Variants in S100A10 observed in about 807,000 individuals in gnomAD.
S100A10 encodes protein S100-A10.
In S100A10, 3 loss-of-function variants were observed where a neutral mutation model predicts 7.1. The observed-to-expected ratio is 0.42, with a 90% confidence interval of 0.19 to 1.10. S100A10 has a LOEUF of 1.10. Among genes scored for constraint, S100A10 ranks in the 50% least tolerant of loss-of-function variants. The probability of loss-of-function intolerance (pLI) is 0.29; values close to 1 mark genes in which losing one functional copy is unlikely to be tolerated. For synonymous variants in S100A10, 41 were observed against 39.3 expected (o/e 1.04, Z -0.16); for missense variants, 101 against 118.1 (o/e 0.86, Z 0.67).
chr1:151,983,223 G>A lies in S100A10; in HGVS notation c.234C>T (p.Gly78=). 6.2e-7 allele frequency: 1 copy of A among 1,605,890 alleles called. No homozygotes were observed. Among genetic ancestry groups the A allele is most frequent in the Non-Finnish European group, 8.5e-7 (1 of 1,176,842 alleles). Residue 78 remains glycine, a synonymous_variant, in exon 3 of 3, where the codon GGC becomes GGT. Transcript: ENST00000368811. ...GFQSFFSLIA[G]LTIACNDYFV... is the part of the protein sequence containing the mutation. Reference sequence around the variant, plus strand: ...AATAGTCATTGCATGCAATGGTGAGGCCCGCAATTAGGGAAAAGAAGCTCT... The same window carrying A: ...AATAGTCATTGCATGCAATGGTGAGACCCGCAATTAGGGAAAAGAAGCTCT...
At chr1:151,990,782 T>C (rs1655888845) in intron 1 of S100A10, among the ~76,000 whole-genome samples, 1 of 152,228 alleles carries the variant, frequency 6.6e-6, no homozygotes, top group Admixed American at 6.5e-5. Context: ...GCCTGAATTC[T>C]AGTTATTTGT....
chr1:151,989,670 T>G (rs1207953440), intron 1 of S100A10, among the ~76,000 whole-genome samples: 1 of 152,248 alleles, frequency 6.6e-6, no homozygotes, highest in African/African-American at 2.4e-5. Context: ...AGCCAATGGT[T>G]GCCCAACTGA....
Position 151,993,536 on chromosome 1 carries a change from G to A in S100A10, c.-22+216C>T, listed in dbSNP as rs529197992. Among the ~76,000 whole-genome samples the A allele has an allele frequency of 1.6e-4, 25 of 152,350 alleles. No homozygotes were observed. The East Asian group carries it at 3.7e-3, about 22-fold the overall frequency. Reference sequence around the variant, plus strand: ...GTGCCCCCTCCTCTGGTCCGCGTGGGTCTGGGGGCGGCCGCGCCCGGGCCG... The same window carrying A: ...GTGCCCCCTCCTCTGGTCCGCGTGGATCTGGGGGCGGCCGCGCCCGGGCCG... On this transcript the variant is annotated intron_variant, in intron 1 of 2. Coordinates refer to ENST00000368811, the MANE Select transcript of S100A10 (RefSeq NM_002966.3). The surrounding 1 kb of genome is among the most constrained non-coding windows in gnomAD (Gnocchi z 5.1).
At chr1:151,987,652 G>A (rs1222930382) in intron 1 of S100A10, among the ~76,000 whole-genome samples, 1 of 146,458 alleles carries the variant, frequency 6.8e-6, no homozygotes, top group African/African-American at 2.5e-5. Flanking sequence ...GCATTCTCCT[G>A]CCTCAGCCTC....
At position 151,986,270 on chromosome 1, in the gene S100A10, T is replaced by C; in HGVS notation, c.-21-19A>G. The C allele has an allele frequency of 6.5e-7, 1 of 1,546,334 alleles. No individual in the cohort carries two copies. The highest frequency in any genetic ancestry group is 1.4e-5 in the African/African-American group (1 of 71,404). On this transcript the variant is annotated intron_variant, in intron 1 of 2. Transcript: ENST00000368811. Reference sequence around the variant, plus strand: ...TTGAAGCCTATTAAAGGATGTAAAGTAACAGGGTCTACATTAACTTTTTTT... The same window carrying C: ...TTGAAGCCTATTAAAGGATGTAAAGCAACAGGGTCTACATTAACTTTTTTT...
At position 151,983,238 on chromosome 1, in the gene S100A10, A is replaced by T. The variant is rs750440968; in HGVS notation, c.219T>A (p.Phe73Leu). 6.2e-7 allele frequency: 1 copy of T among 1,607,780 alleles called. No individual in the cohort carries two copies. Among genetic ancestry groups the T allele is most frequent in the African/African-American group, 1.3e-5 (1 of 74,594 alleles). ...CAATGGTGAGGCCCGCAATTAGGGA[A>T]AAGAAGCTCTGGAAGCCCACTTTGC... ...RDGKVGFQSF[F>L]SLIAGLTIAC... The change falls in exon 3 of 3, where the codon TTT becomes TTA. Residue 73 changes from phenylalanine to leucine, a missense_variant. Phe to Leu is a conservative substitution (Grantham distance 22, BLOSUM62 0). Transcript: ENST00000368811.
At chr1:151,986,425 G>C (rs1300546685) in intron 1 of S100A10, among the ~76,000 whole-genome samples, 174 bp from the exon 2 acceptor site, 2 of 152,130 alleles carry the variant, frequency 1.3e-5, no homozygotes, top group African/African-American at 4.8e-5. Context: ...ATTAACATAT[G>C]CATTACCTCC....
At chr1:151,989,248 CCT>C (rs1443508641) in intron 1 of S100A10, among the ~76,000 whole-genome samples, 2 of 152,130 alleles carry the variant, frequency 1.3e-5, no homozygotes, top group Non-Finnish European at 2.9e-5. Context: ...CAGTCGCATG[CCT>C]CTCTTGCCCA....
chr1:151,986,620 A>G (rs1428253961), intron 1 of S100A10, among the ~76,000 whole-genome samples: 1 of 152,210 alleles, frequency 6.6e-6, no homozygotes. Context: ...CAATCACCCC[A>G]GCCCATTCTA....
intron 1 of S100A10, among the ~76,000 whole-genome samples, chr1:151,989,928 C>T (rs1021673147): frequency 1.3e-5 from 2 of 152,236 alleles, no homozygotes; most frequent in African/African-American, 4.8e-5. Context: ...TCCCCAATAA[C>T]GTACTCTTGC....
At chr1:151,986,668 CAT>C (rs1655797412) in intron 1 of S100A10, among the ~76,000 whole-genome samples, 2 of 152,214 alleles carry the variant, frequency 1.3e-5, no homozygotes, top group Admixed American at 6.5e-5. Flanking sequence ...TAAGATTCCA[CAT>C]GAGTGAGATC....
intron 2 of S100A10, among the ~76,000 whole-genome samples, chr1:151,985,777 G>A (rs1016428833): frequency 3.3e-5 from 5 of 152,138 alleles, no homozygotes; most frequent in African/African-American, 1.2e-4. Context: ...CAGATAACCC[G>A]ATGGAATTTT....
In S100A10 at chr1:151,984,468, G is replaced by A. The variant is rs189154031; in HGVS notation, c.133-1144C>T. On this transcript the variant is annotated intron_variant, in intron 2 of 2. Transcript: ENST00000368811. ...TGAGTGAAATCTGGATGACATAAGA[G>A]GTCTACTTTAGAAACAAAATGCTCT... Among the ~76,000 whole-genome samples, 199 of 152,166 alleles carry A rather than the reference G, an allele frequency of 1.3e-3. 4 individuals carry two copies. The East Asian group carries it at 0.027, about 20-fold the overall frequency.
intron 2 of S100A10, among the ~76,000 whole-genome samples, chr1:151,985,847 A>C (rs1557772604): frequency 6.6e-6 from 1 of 152,202 alleles, no homozygotes; most frequent in African/African-American, 2.4e-5. Flanking sequence ...TGCAGACTGT[A>C]AGCTCCTTGA....
At chr1:151,985,733 C>G (rs1234127201) in intron 2 of S100A10, among the ~76,000 whole-genome samples, 1 of 152,168 alleles carries the variant, frequency 6.6e-6, no homozygotes, top group African/African-American at 2.4e-5. Context: ...CTTTCTTTCT[C>G]CCAACTCTGT....
chr1:151,986,742 T>C (rs1371730199), intron 1 of S100A10, among the ~76,000 whole-genome samples: 2 of 152,266 alleles, frequency 1.3e-5, no homozygotes, highest in African/African-American at 4.8e-5. Flanking sequence ...TCCAGGTTCA[T>C]CTTTGTAGAT....
At chr1:151,984,849 A>G (rs562204906) in intron 2 of S100A10, among the ~76,000 whole-genome samples, 1 of 152,314 alleles carries the variant, frequency 6.6e-6, no homozygotes, top group Admixed American at 6.5e-5. Context: ...ACTGAAGACT[A>G]GAGAGCTGAA....
In S100A10 at chr1:151,993,291, G is replaced by A. The variant is rs1449097881; in HGVS notation, c.-22+461C>T. On this transcript the variant is annotated intron_variant, in intron 1 of 2. Coordinates refer to ENST00000368811, the MANE Select transcript of S100A10 (RefSeq NM_002966.3). This position sits in a 1 kb window ranked among gnomAD's most constrained non-coding sequence, Gnocchi z 5.1. ...CTACTCGTCCTACCCGCGCCTACTT[G>A]GGCGGTACAGCCGGGAGCAGGCTAC... Among the ~76,000 whole-genome samples, 1 of 152,182 alleles carries A rather than the reference G, an allele frequency of 6.6e-6. No homozygotes were observed. Among genetic ancestry groups the A allele is most frequent in the Non-Finnish European group, 1.5e-5 (1 of 68,030 alleles).
intron 1 of S100A10, among the ~76,000 whole-genome samples, chr1:151,992,177 C>T (rs1655919708): frequency 6.6e-6 from 1 of 152,190 alleles, no homozygotes; most frequent in Admixed American, 6.5e-5. Flanking sequence ...CTCATTCCCA[C>T]TCCAACCCCT....
Sources: gnomAD v4.1 joint callset for allele counts (sites outside exome capture counted in the v4.1 genomes callset) on GRCh38, gnomAD v4.1.1 for gene constraint, Gnocchi (gnomAD v3.1) non-coding constraint, MANE v1.5 for transcripts, NCBI Gene and HGNC (gene_info 2026-07-23, HGNC 2026-07-21) for gene names.